The following FAM185A variants were observed in gnomAD, a reference collection of about 807,000 sequenced individuals.
FAM185A encodes protein FAM185A.
In FAM185A, 21 loss-of-function variants were observed where a neutral mutation model predicts 45.7. That is an observed-to-expected ratio of 0.46 (90% CI 0.33 to 0.66). The LOEUF (loss-of-function observed/expected upper bound fraction) is 0.66. FAM185A is among the 30% of genes least tolerant of loss of function. FAM185A has a pLI of 0.03. For missense variants in FAM185A, 305 were observed against 485.4 expected (o/e 0.63, Z 3.49); for synonymous variants, 117 against 194.0 (o/e 0.60, Z 3.30).
chr7:102,750,046 G>C (rs916861672), intron 1 of FAM185A, among the ~76,000 whole-genome samples: 1 of 152,048 alleles, frequency 6.6e-6, no homozygotes, highest in Non-Finnish European at 1.5e-5. Flanking sequence ...ACAGCCTGGG[G>C]GTCTGTCCCA....
chr7:102,847,650 C>T, the FAM185A span, among the ~76,000 whole-genome samples: 16 of 152,116 alleles, frequency 1.1e-4, no homozygotes, highest in South Asian at 2.5e-3. Context: ...TCTCAGCCTC[C>T]GGAGTAGCTG....
intron 6 of FAM185A, among the ~76,000 whole-genome samples, chr7:102,786,841 A>AAAG (rs57986331): frequency 0.01 from 1,561 of 151,254 alleles, 27 homozygotes; most frequent in African/African-American, 0.035. Context: ...AAAAAAAAAA[A>AAAG]CATGGGCTTT....
At chr7:102,783,700 T>G (rs1795569444) in intron 6 of FAM185A, among the ~76,000 whole-genome samples, 1 of 151,970 alleles carries the variant, frequency 6.6e-6, no homozygotes, top group South Asian at 2.1e-4. Context: ...AGAGGGAAAT[T>G]TATAGCACTA....
intron 7 of FAM185A, among the ~76,000 whole-genome samples, chr7:102,802,282 A>G (rs56186316): frequency 0.22 from 33,539 of 152,192 alleles, 4,187 homozygotes; most frequent in African/African-American, 0.34. Flanking sequence ...GATAGACCAT[A>G]TGATAGGCCA....
chr7:102,848,712 G>A, the FAM185A span, among the ~76,000 whole-genome samples: 2 of 151,908 alleles, frequency 1.3e-5, no homozygotes, highest in Non-Finnish European at 2.9e-5. Flanking sequence ...AGCAACCAGA[G>A]GCCAGGCACG....
intron 7 of FAM185A, among the ~76,000 whole-genome samples, chr7:102,807,740 C>T (rs915725417): frequency 1.4e-5 from 2 of 147,186 alleles, no homozygotes; most frequent in East Asian, 2.2e-4. Context: ...GGTGAAACCC[C>T]GTCTCCACTT....
the FAM185A span, among the ~76,000 whole-genome samples, chr7:102,833,518 T>C: frequency 6.6e-6 from 1 of 151,272 alleles, no homozygotes; most frequent in Non-Finnish European, 1.5e-5. Context: ...CTGCAACCTC[T>C]GTCTGCCAGG....
intron 7 of FAM185A, among the ~76,000 whole-genome samples, chr7:102,793,931 C>T (rs1466792266): frequency 5.5e-5 from 8 of 145,522 alleles, no homozygotes; most frequent in Admixed American, 2.1e-4. Flanking sequence ...CCCAGCTACT[C>T]GGGAGGCTAA....
Position 102,749,453 on chromosome 7 carries a change from G to A in FAM185A, c.246G>A (p.Pro82=). 3 of 1,547,616 alleles carry A rather than the reference G, an allele frequency of 1.9e-6. No homozygotes were observed. Among genetic ancestry groups the A allele is most frequent in the Middle Eastern group, 2.2e-4 (1 of 4,478 alleles). The change falls in exon 1 of 8, where the codon CCG becomes CCA. Residue 82 remains proline, a synonymous_variant. Coordinates refer to ENST00000413034, the MANE Select transcript of FAM185A (RefSeq NM_001145268.2). The part of the protein sequence containing the change: ...SPFGRLRARL[P]CHLAVRPLDP... Reference sequence around the variant, plus strand: ...TTGGTCGGCTGCGGGCGCGGCTCCCGTGCCACCTGGCCGTGAGGCCCCTGG... The same window carrying A: ...TTGGTCGGCTGCGGGCGCGGCTCCCATGCCACCTGGCCGTGAGGCCCCTGG...
chr7:102,770,869 A>T (rs974903790), intron 4 of FAM185A, among the ~76,000 whole-genome samples: 17 of 152,190 alleles, frequency 1.1e-4, no homozygotes, highest in African/African-American at 3.9e-4. Flanking sequence ...ATATACACAA[A>T]AGAAAATAAA....
intron 2 of FAM185A, among the ~76,000 whole-genome samples, chr7:102,754,188 C>A (rs1245387669): frequency 2.7e-5 from 4 of 146,292 alleles, no homozygotes; most frequent in African/African-American, 1.0e-4. Flanking sequence ...TATAGTTGAC[C>A]TACATAATAA....
chr7:102,787,260 T>C, intron 6 of FAM185A, 75 bp from the exon 7 acceptor site: 1 of 1,091,940 alleles, frequency 9.2e-7, no homozygotes, highest in African/African-American at 1.6e-5. Context: ...TGCTACCCTG[T>C]CAGTCAAATT....
chr7:102,803,019 C>T (rs1203043600), intron 7 of FAM185A, among the ~76,000 whole-genome samples: 1 of 151,886 alleles, frequency 6.6e-6, no homozygotes, highest in African/African-American at 2.4e-5. Flanking sequence ...CAATAACAAG[C>T]AGGAGATTGA....
the FAM185A span, among the ~76,000 whole-genome samples, chr7:102,831,749 G>A: frequency 6.6e-6 from 1 of 152,088 alleles, no homozygotes. Context: ...TCTCTGGTCT[G>A]CTAAATTAGT....
At chr7:102,820,641 C>G in the FAM185A span, among the ~76,000 whole-genome samples, 1 of 152,132 alleles carries the variant, frequency 6.6e-6, no homozygotes, top group Non-Finnish European at 1.5e-5. Context: ...CTACTACAGA[C>G]TGGGTAATTT....
chr7:102,829,263 G>GT, the FAM185A span, among the ~76,000 whole-genome samples: 7 of 152,282 alleles, frequency 4.6e-5, no homozygotes, highest in East Asian at 7.7e-4. Context: ...CTGCCTATCT[G>GT]TAAGTAATCT....
At chr7:102,769,238 G>C (rs1794595211) in intron 4 of FAM185A, among the ~76,000 whole-genome samples, 1 of 151,700 alleles carries the variant, frequency 6.6e-6, no homozygotes, top group Admixed American at 6.6e-5. Context: ...TATGCTTTTA[G>C]TATACAGTAG....
chr7:102,778,008 G>A (rs1442943350), intron 6 of FAM185A, among the ~76,000 whole-genome samples: 1 of 152,184 alleles, frequency 6.6e-6, no homozygotes, highest in Non-Finnish European at 1.5e-5. Flanking sequence ...AAGTAGGTTG[G>A]CCATAGGGGC....
the FAM185A span, among the ~76,000 whole-genome samples, chr7:102,846,967 T>C: frequency 4.3e-4 from 66 of 152,314 alleles, no homozygotes; most frequent in African/African-American, 1.5e-3. Flanking sequence ...TTTATATATT[T>C]TGAATGGTTG....
Sources: gnomAD v4.1 joint callset for allele counts (sites outside exome capture counted in the v4.1 genomes callset) on GRCh38, gnomAD v4.1.1 for gene constraint, MANE v1.5 for transcripts, NCBI Gene and HGNC (gene_info 2026-07-23, HGNC 2026-07-21) for gene names.